KCNQ5: variants seen among roughly 807,000 people sequenced by gnomAD.
The protein encoded by KCNQ5 is potassium voltage-gated channel subfamily KQT member 5.
In KCNQ5, 30 loss-of-function variants were observed where a neutral mutation model predicts 98.2. The observed-to-expected ratio is 0.31, with a 90% CI of 0.23 to 0.41. KCNQ5 has a LOEUF of 0.41. KCNQ5 is among the 10% of genes least tolerant of loss of function. The probability of loss-of-function intolerance (pLI) is 1.00; values close to 1 mark genes in which losing one functional copy is unlikely to be tolerated. For missense variants in KCNQ5, 835 were observed against 1,182.5 expected (o/e 0.71, Z 4.31); for synonymous variants, 458 against 449.4 (o/e 1.02, Z -0.24).
chr6:72,665,830 A>T (rs1298820502), intron 1 of KCNQ5, among the ~76,000 whole-genome samples: 2 of 152,296 alleles, frequency 1.3e-5, no homozygotes, highest in East Asian at 3.9e-4. Context: ...CCACTGCTAT[A>T]TTATATTACA....
intron 1 of KCNQ5, among the ~76,000 whole-genome samples, chr6:72,804,830 A>G (rs1226142468): frequency 6.6e-6 from 1 of 152,078 alleles, no homozygotes; most frequent in African/African-American, 2.4e-5. Context: ...AGCATTTGCT[A>G]TTGCCTGTCT....
chr6:72,742,508 A>G (rs929953696), intron 1 of KCNQ5, among the ~76,000 whole-genome samples: 2 of 152,166 alleles, frequency 1.3e-5, no homozygotes, highest in African/African-American at 4.8e-5. Context: ...ATAAATAACC[A>G]CAGTTCTCTA....
chr6:72,900,454 T>G (rs1279735532), intron 1 of KCNQ5, among the ~76,000 whole-genome samples: 1 of 147,676 alleles, frequency 6.8e-6, no homozygotes, highest in African/African-American at 2.5e-5. Context: ...ATATCATATA[T>G]ATGATTTATT....
intron 1 of KCNQ5, among the ~76,000 whole-genome samples, chr6:72,759,520 T>A (rs1170128013): frequency 1.3e-5 from 2 of 152,140 alleles, no homozygotes; most frequent in Admixed American, 1.3e-4. Flanking sequence ...AATAATTATA[T>A]CTGGCAGAGG....
intron 1 of KCNQ5, among the ~76,000 whole-genome samples, chr6:72,658,573 TA>T (rs1766325193): frequency 5.5e-5 from 6 of 109,414 alleles, no homozygotes; most frequent in Non-Finnish European, 9.3e-5. Flanking sequence ...TATATATATA[TA>T]TATATTTTTT....
At chr6:72,891,094 T>TTTAATAGG (rs1318498819) in intron 1 of KCNQ5, among the ~76,000 whole-genome samples, 5 of 152,276 alleles carry the variant, frequency 3.3e-5, no homozygotes, top group Admixed American at 2.0e-4. Flanking sequence ...CCAGAATGGA[T>TTTAATAGG]TTAATAGGTG....
chr6:73,027,510 G>A (rs928530255), intron 2 of KCNQ5, among the ~76,000 whole-genome samples: 4 of 152,118 alleles, frequency 2.6e-5, no homozygotes, highest in Admixed American at 6.5e-5. Context: ...CCTTTGAGTC[G>A]ATACTTAGAG....
intron 1 of KCNQ5, among the ~76,000 whole-genome samples, chr6:72,691,230 G>C (rs1428681286): frequency 6.6e-6 from 1 of 152,148 alleles, no homozygotes; most frequent in Non-Finnish European, 1.5e-5. Context: ...CAATAATAAA[G>C]AGATCTCAAG....
At chr6:73,053,523 A>T (rs1443349487) in intron 3 of KCNQ5, among the ~76,000 whole-genome samples, 1 of 152,196 alleles carries the variant, frequency 6.6e-6, no homozygotes, top group Non-Finnish European at 1.5e-5. Flanking sequence ...ATAAAAAAAA[A>T]TCATACCAAC....
At chr6:73,189,323 A>T (rs1765502478) in intron 11 of KCNQ5, among the ~76,000 whole-genome samples, 2 of 152,240 alleles carry the variant, frequency 1.3e-5, no homozygotes, top group Non-Finnish European at 2.9e-5. Context: ...TGGTTAGAGA[A>T]AGGGAGTAAG....
chr6:72,761,371 A>T (rs892866723), intron 1 of KCNQ5, among the ~76,000 whole-genome samples: 1 of 152,010 alleles, frequency 6.6e-6, no homozygotes, highest in Non-Finnish European at 1.5e-5. Flanking sequence ...ATTTCAGTAG[A>T]TTCAGATTAT....
intron 1 of KCNQ5, among the ~76,000 whole-genome samples, chr6:72,658,681 A>G (rs1460286036): frequency 6.7e-6 from 1 of 150,168 alleles, no homozygotes; most frequent in Non-Finnish European, 1.5e-5. Context: ...CTCGGGCTCA[A>G]GCAATTCTCC....
chr6:72,701,557 C>T (rs1270428066), intron 1 of KCNQ5, among the ~76,000 whole-genome samples: 1 of 151,808 alleles, frequency 6.6e-6, no homozygotes, highest in African/African-American at 2.4e-5. Flanking sequence ...CTTGTGGGGG[C>T]GGTTCTTTTT....
chr6:73,142,498 C>CAAA (rs60700064), intron 10 of KCNQ5, among the ~76,000 whole-genome samples: 306 of 133,864 alleles, frequency 2.3e-3, no homozygotes, highest in African/African-American at 7.9e-3. Context: ...TATTATATCT[C>CAAA]AAAAAAAAAA....
At chr6:72,815,844 A>T (rs1775487425) in intron 1 of KCNQ5, among the ~76,000 whole-genome samples, 1 of 152,184 alleles carries the variant, frequency 6.6e-6, no homozygotes, top group Non-Finnish European at 1.5e-5. Flanking sequence ...CCCCAAAAGA[A>T]GATCTGGCTT....
At chr6:72,843,801 T>A (rs1011277591) in intron 1 of KCNQ5, among the ~76,000 whole-genome samples, 1 of 152,160 alleles carries the variant, frequency 6.6e-6, no homozygotes, top group Non-Finnish European at 1.5e-5. Context: ...TGCCCATCAA[T>A]GATAGACTGG....
intron 2 of KCNQ5, among the ~76,000 whole-genome samples, chr6:73,010,208 T>G (rs1769997608): frequency 6.6e-6 from 1 of 152,076 alleles, no homozygotes; most frequent in Non-Finnish European, 1.5e-5. Flanking sequence ...CACACAAAAA[T>G]TGATCAGTGT....
At chr6:73,120,686 C>T (rs1190361291) in intron 8 of KCNQ5, 109 bp downstream of exon 8, 7 of 610,476 alleles carry the variant, frequency 1.1e-5, no homozygotes, top group African/African-American at 9.2e-5. Context: ...TTCTCTTATT[C>T]TCTGTTGCTC....
chr6:72,912,272 AAACTT>A (rs1779972755), intron 1 of KCNQ5, among the ~76,000 whole-genome samples: 1 of 152,224 alleles, frequency 6.6e-6, no homozygotes, highest in African/African-American at 2.4e-5. Flanking sequence ...AATCAAAAAA[AAACTT>A]AATGGGCATA....
Sources: gnomAD v4.1 joint callset for allele counts (sites outside exome capture counted in the v4.1 genomes callset) on GRCh38, gnomAD v4.1.1 for gene constraint, MANE v1.5 for transcripts, NCBI Gene and HGNC (gene_info 2026-07-23, HGNC 2026-07-21) for gene names.